The following RBFOX1 variants were observed in gnomAD, a reference collection of about 807,000 sequenced individuals.
RBFOX1 encodes RNA binding fox-1 homolog 1, also known as RNA binding protein fox-1 homolog 1.
Under a neutral mutation model 57.7 loss-of-function variants are expected in RBFOX1, and 8 were observed. That is an observed-to-expected ratio of 0.14 (90% CI 0.08 to 0.25). The LOEUF (loss-of-function observed/expected upper bound fraction) is 0.25. Among genes scored for constraint, RBFOX1 ranks in the 10% least tolerant of loss-of-function variants. RBFOX1 has a pLI of 1.00. For synonymous variants in RBFOX1, 326 were observed against 222.4 expected (o/e 1.47, Z -4.15); for missense variants, 611 against 548.5 (o/e 1.11, Z -1.14).
intron 2 of RBFOX1, among the ~76,000 whole-genome samples, chr16:6,416,290 A>G (rs2093622388): frequency 6.6e-6 from 1 of 152,200 alleles, no homozygotes; most frequent in Admixed American, 6.5e-5. Flanking sequence ...GCTTGATTTT[A>G]TTAAGCCGGT....
At chr16:6,674,728 C>G (rs952677347) in intron 3 of RBFOX1, among the ~76,000 whole-genome samples, 3 of 152,068 alleles carry the variant, frequency 2.0e-5, no homozygotes, top group Non-Finnish European at 4.4e-5. Context: ...CACATACAAG[C>G]CAAGGAGCAC....
intron 1 of RBFOX1, among the ~76,000 whole-genome samples, chr16:5,423,676 T>C (rs552005179): frequency 1.3e-5 from 2 of 152,316 alleles, no homozygotes; most frequent in East Asian, 1.9e-4. Flanking sequence ...CTTTTACAAA[T>C]CTATCTTGCT....
intron 4 of RBFOX1, among the ~76,000 whole-genome samples, chr16:5,971,824 C>G (rs1163919969): frequency 2.0e-5 from 3 of 152,180 alleles, no homozygotes; most frequent in African/African-American, 7.2e-5. Context: ...ATTCTGCATG[C>G]TTCTATGAGG....
chr16:6,010,261 A>T (rs1055930743), intron 4 of RBFOX1, among the ~76,000 whole-genome samples: 1 of 152,156 alleles, frequency 6.6e-6, no homozygotes, highest in Non-Finnish European at 1.5e-5. Flanking sequence ...GTGGTATAGG[A>T]TTAACACCTC....
At chr16:7,213,965 G>A (rs1339644877) in intron 4 of RBFOX1, among the ~76,000 whole-genome samples, 1 of 151,990 alleles carries the variant, frequency 6.6e-6, no homozygotes, top group African/African-American at 2.4e-5. Flanking sequence ...CATTTGCACC[G>A]CAGAGCTCAG....
chr16:5,909,350 C>T (rs2058555919), intron 4 of RBFOX1, among the ~76,000 whole-genome samples: 2 of 152,080 alleles, frequency 1.3e-5, no homozygotes, highest in African/African-American at 4.8e-5. Flanking sequence ...CCTTGGCCTC[C>T]CAAAGTGCTG....
downstream of RBFOX1, among the ~76,000 whole-genome samples, chr16:5,603,047 G>C (rs1702729698): frequency 6.6e-6 from 1 of 152,122 alleles, no homozygotes; most frequent in Non-Finnish European, 1.5e-5. Context: ...CCAGAATGCA[G>C]AACACTCCAG....
intron 1 of RBFOX1, among the ~76,000 whole-genome samples, chr16:6,235,284 G>T (rs1432019744): frequency 6.6e-6 from 1 of 152,064 alleles, no homozygotes; most frequent in African/African-American, 2.4e-5. Flanking sequence ...CACACAGAAT[G>T]AATCACAAGG....
At chr16:7,594,293 T>C (rs2094582624) in intron 7 of RBFOX1, among the ~76,000 whole-genome samples, 1 of 152,192 alleles carries the variant, frequency 6.6e-6, no homozygotes, top group Non-Finnish European at 1.5e-5. Flanking sequence ...ATTTCTTTAG[T>C]AAAACTAAGT....
intron 4 of RBFOX1, among the ~76,000 whole-genome samples, chr16:7,179,163 G>A (rs1372318822): frequency 6.6e-6 from 1 of 151,916 alleles, no homozygotes; most frequent in Non-Finnish European, 1.5e-5. Context: ...TGCATTTGGG[G>A]GTAGGAGGTT....
chr16:5,439,925 G>A (rs548093999), intron 1 of RBFOX1, among the ~76,000 whole-genome samples: 4 of 152,314 alleles, frequency 2.6e-5, no homozygotes, highest in Non-Finnish European at 4.4e-5. Flanking sequence ...AAGTATTCAA[G>A]TGGAGATGTC....
rs1239259781 is a variant in RBFOX1, at chr16:5,978,640, A to G, written c.351+111305A>G. ...TAATCTCCTCTGTTATGTGAAAAAG[A>G]CTCAGAGTCTCAAAGTGTTTTTTTT... On this transcript the variant is annotated intron_variant, in intron 4 of 19. Coordinates refer to the RBFOX1 transcript ENST00000641259. Among the ~76,000 whole-genome samples, 6 of 150,484 alleles carry G rather than the reference A, an allele frequency of 4.0e-5. No individual in the cohort carries two copies. The East Asian group carries it at 9.7e-4, about 24-fold the overall frequency.
At chr16:6,083,674 A>G (rs1384655952) in intron 1 of RBFOX1, among the ~76,000 whole-genome samples, 2 of 151,928 alleles carry the variant, frequency 1.3e-5, no homozygotes, top group Admixed American at 1.3e-4. Flanking sequence ...ACGGGGTCTC[A>G]CTGTGTTGCC....
At chr16:6,733,097 C>G (rs1274667187) in intron 3 of RBFOX1, among the ~76,000 whole-genome samples, 1 of 152,066 alleles carries the variant, frequency 6.6e-6, no homozygotes, top group East Asian at 1.9e-4. Flanking sequence ...ATGCTGAAAA[C>G]AGAAATATAT....
chr16:5,460,144 G>A lies in RBFOX1; in HGVS notation c.220-7072G>A, dbSNP rs570139420. Among the ~76,000 whole-genome samples, 6 of 152,170 alleles carry A rather than the reference G, an allele frequency of 3.9e-5. No homozygotes were observed. The East Asian group carries it at 5.8e-4, about 15-fold the overall frequency. On this transcript the variant is annotated intron_variant, in intron 1 of 2. Transcript: ENST00000585867. ...GTCGGCATGTTTTTAGTGTAAAGTC[G>A]GCACAATGCCAAATGAGAACCTCAG... is the stretch of plus-strand genomic sequence containing the variant.
At chr16:7,141,601 A>T (rs1202436760) in intron 4 of RBFOX1, among the ~76,000 whole-genome samples, 2 of 152,166 alleles carry the variant, frequency 1.3e-5, no homozygotes, top group South Asian at 2.1e-4. Flanking sequence ...CAGATGAAAG[A>T]TTGCATGTTC....
At chr16:7,545,339 G>C (rs536559155) in intron 5 of RBFOX1, among the ~76,000 whole-genome samples, 26 of 152,032 alleles carry the variant, frequency 1.7e-4, no homozygotes, top group African/African-American at 5.8e-4. Flanking sequence ...TGGCGGCATT[G>C]TTTGCAATCC....
intron 1 of RBFOX1, among the ~76,000 whole-genome samples, chr16:5,279,873 C>T (rs1405312510): frequency 6.6e-6 from 1 of 152,148 alleles, no homozygotes; most frequent in Non-Finnish European, 1.5e-5. Context: ...AAGATTATGT[C>T]ATCTGCAAAG....
At chr16:5,943,719 A>G (rs1364197867) in intron 4 of RBFOX1, among the ~76,000 whole-genome samples, 1 of 152,216 alleles carries the variant, frequency 6.6e-6, no homozygotes, top group Non-Finnish European at 1.5e-5. Flanking sequence ...GAATGTATCA[A>G]CAGTTTGCCA....
Sources: allele counts gnomAD v4.1 joint callset (sites outside exome capture counted in the v4.1 genomes callset), GRCh38; gene constraint gnomAD v4.1.1; transcripts MANE v1.5; gene names NCBI Gene and HGNC (gene_info 2026-07-23, HGNC 2026-07-21).